DPYD: variants seen among roughly 807,000 people sequenced by gnomAD.
DPYD encodes dihydropyrimidine dehydrogenase [NADP(+)].
In DPYD, 109 loss-of-function variants were observed where a neutral mutation model predicts 116.2. That is an observed-to-expected ratio of 0.94 (90% CI 0.80 to 1.10). DPYD has a LOEUF of 1.10. Ranked by LOEUF, DPYD falls within the 50% of genes least tolerant of loss-of-function variation. The pLI is 0.00. For synonymous variants in DPYD, 440 were observed against 432.0 expected (o/e 1.02, Z -0.23); for missense variants, 1,302 against 1,254.5 (o/e 1.04, Z -0.57).
chr1:97,080,394 C>A (rs1471115960), intron 22 of DPYD, among the ~76,000 whole-genome samples: 2 of 151,776 alleles, frequency 1.3e-5, no homozygotes, highest in Non-Finnish European at 2.9e-5. Flanking sequence ...TTAAAAAATT[C>A]CCCCCTCCAA....
chr1:97,200,786 T>G (rs887850285), intron 19 of DPYD, among the ~76,000 whole-genome samples: 2 of 152,186 alleles, frequency 1.3e-5, no homozygotes, highest in Non-Finnish European at 2.9e-5. Context: ...GAGTCCAGAC[T>G]GGCTAAATGA....
intron 17 of DPYD, among the ~76,000 whole-genome samples, chr1:97,305,813 A>G (rs952645170): frequency 1.3e-5 from 2 of 151,802 alleles, no homozygotes; most frequent in Admixed American, 1.3e-4. Flanking sequence ...TGCAAATTGA[A>G]TTTTCTTTTT....
chr1:97,828,261 T>C, intron 2 of DPYD, 65 bp from the exon 3 acceptor site: 1 of 1,460,780 alleles, frequency 6.8e-7, no homozygotes, highest in South Asian at 1.2e-5. Flanking sequence ...TCTATGCAGT[T>C]ATGCAAAAAT....
At chr1:97,751,460 GTATATATATATATATATATATA>G (rs1553233231) in intron 3 of DPYD, among the ~76,000 whole-genome samples, 2 of 21,274 alleles carry the variant, frequency 9.4e-5, no homozygotes, top group Non-Finnish European at 1.6e-4. Flanking sequence ...GTGTGTGTGT[GTATATATATATATATATATATA>G]TATATATATA....
intron 19 of DPYD, among the ~76,000 whole-genome samples, chr1:97,210,704 A>G (rs7537668): frequency 0.75 from 114,628 of 152,052 alleles, 44,322 homozygotes; most frequent in East Asian, 0.99. Flanking sequence ...TAGAAACAAA[A>G]AGATACTAGT....
intron 15 of DPYD, among the ~76,000 whole-genome samples, chr1:97,381,566 A>G (rs1423158101): frequency 3.9e-5 from 6 of 152,100 alleles, no homozygotes; most frequent in Non-Finnish European, 8.8e-5. Flanking sequence ...CCCAGTAGTA[A>G]TTTTTCCCTT....
chr1:97,116,933 G>T (rs1652011958), intron 20 of DPYD, among the ~76,000 whole-genome samples: 1 of 149,574 alleles, frequency 6.7e-6, no homozygotes, highest in African/African-American at 2.5e-5. Flanking sequence ...TGGATCACCT[G>T]AGGTCAGGAG....
At chr1:97,512,019 T>A (rs1308265375) in intron 13 of DPYD, among the ~76,000 whole-genome samples, 1 of 151,904 alleles carries the variant, frequency 6.6e-6, no homozygotes, top group Non-Finnish European at 1.5e-5. Flanking sequence ...TCGATTGAGA[T>A]CAATACTCAA....
rs1557938177 is a variant in DPYD, at chr1:97,206,666, AT to A, written c.2443-13419del. Among the ~76,000 whole-genome samples, 49 of 119,440 alleles carry A rather than the reference AT, an allele frequency of 4.1e-4. 3 individuals are homozygous for A. In the South Asian group the frequency reaches 4.6e-3, roughly 11 times the overall value. The allele number at this position is 119,440 out of a possible 152,430, so 78.4% of individuals were successfully genotyped here. A position where few individuals can be genotyped will look rare whatever the true frequency, so the allele number is the denominator to read the frequency against. ...TATATATATATATATATATATATAT[AT>A]ATATATATATATATATATATAATCT... On this transcript the variant is annotated intron_variant, in intron 19 of 22. Coordinates refer to ENST00000370192, the MANE Select transcript of DPYD (RefSeq NM_000110.4).
intron 14 of DPYD, among the ~76,000 whole-genome samples, chr1:97,443,000 C>T (rs1675884046): frequency 6.6e-6 from 1 of 152,088 alleles, no homozygotes; most frequent in South Asian, 2.1e-4. Context: ...TGTAATCTTT[C>T]AAAATGTTTA....
In DPYD at chr1:97,790,223, G is replaced by C. The variant is rs112241227; in HGVS notation, c.233+37891C>G. ...AAATGATCAATTCTGTCTTAAAGTT[G>C]GCCTAGGTTCAAAACGAATACTCTT... On this transcript the variant is annotated intron_variant, in intron 3 of 22. Coordinates refer to ENST00000370192, the MANE Select transcript of DPYD (RefSeq NM_000110.4). Among the ~76,000 whole-genome samples, 534 of 152,234 alleles carry C rather than the reference G, an allele frequency of 3.5e-3. 1 individual carries two copies. The highest frequency in any genetic ancestry group is 6.0e-3 in the Non-Finnish European group (410 of 68,016).
At chr1:97,682,416 C>T (rs1322806536) in intron 7 of DPYD, among the ~76,000 whole-genome samples, 1 of 151,740 alleles carries the variant, frequency 6.6e-6, no homozygotes, top group African/African-American at 2.4e-5. Context: ...ACAAGGCTTC[C>T]TTCCTTTTTG....
chr1:97,113,820 T>C (rs750656917), intron 20 of DPYD, among the ~76,000 whole-genome samples: 5 of 152,202 alleles, frequency 3.3e-5, no homozygotes, highest in Non-Finnish European at 7.4e-5. Context: ...TTACTAAAAC[T>C]TTTTCACATT....
At chr1:97,341,743 C>T (rs1287237649) in intron 16 of DPYD, among the ~76,000 whole-genome samples, 1 of 152,114 alleles carries the variant, frequency 6.6e-6, no homozygotes, top group African/African-American at 2.4e-5. Context: ...TTAGCACATC[C>T]TTTTCTACTG....
intron 1 of DPYD, among the ~76,000 whole-genome samples, chr1:97,914,272 T>C (rs941222693): frequency 6.6e-6 from 1 of 152,124 alleles, no homozygotes; most frequent in Admixed American, 6.5e-5. Context: ...TCCTAGGAGC[T>C]AAAAGAGTTA....
intron 14 of DPYD, among the ~76,000 whole-genome samples, chr1:97,411,283 T>C (rs968401896): frequency 6.6e-6 from 1 of 152,192 alleles, no homozygotes; most frequent in Non-Finnish European, 1.5e-5. Context: ...TCAGTGTAAA[T>C]AGTGAATGAA....
chr1:97,541,531 G>A (rs115488256), intron 12 of DPYD, among the ~76,000 whole-genome samples: 1,875 of 152,084 alleles, frequency 0.012, 41 homozygotes, highest in African/African-American at 0.042. Context: ...TACACATCTG[G>A]CTATTTTATT....
At chr1:97,718,457 T>C (rs764733172) in intron 5 of DPYD, among the ~76,000 whole-genome samples, 1 of 151,996 alleles carries the variant, frequency 6.6e-6, no homozygotes, top group African/African-American at 2.4e-5. Flanking sequence ...AAAAATCTTA[T>C]AAAATGTTTT....
In DPYD at chr1:97,114,423, C is replaced by A. The variant is rs532609604; in HGVS notation, c.2623-15791G>T. On this transcript the variant is annotated intron_variant, in intron 20 of 22. Coordinates refer to ENST00000370192, the MANE Select transcript of DPYD (RefSeq NM_000110.4). ...GAATTCAAGGAGAAAATAGCATAAG[C>A]AATATTTGTTCCTTCAAAGAAACTC... is the stretch of plus-strand genomic sequence containing the variant. Among the ~76,000 whole-genome samples the A allele has an allele frequency of 7.2e-5, 11 of 152,194 alleles. No homozygotes were observed. The East Asian group carries it at 2.1e-3, about 29-fold the overall frequency.
Sources: allele counts gnomAD v4.1 joint callset (sites outside exome capture counted in the v4.1 genomes callset), GRCh38; gene constraint gnomAD v4.1.1; transcripts MANE v1.5; gene names NCBI Gene and HGNC (gene_info 2026-07-23, HGNC 2026-07-21).